The following ASAP2 variants were observed in gnomAD, a reference collection of about 807,000 sequenced individuals.
The protein encoded by ASAP2 is ArfGAP with SH3 domain, ankyrin repeat and PH domain 2, also known as arf-GAP with SH3 domain, ANK repeat and PH domain-containing protein 2.
Under a neutral mutation model 131.4 loss-of-function variants are expected in ASAP2, and 45 were observed. The observed-to-expected ratio is 0.34, with a 90% CI of 0.27 to 0.44. The LOEUF (loss-of-function observed/expected upper bound fraction) is 0.44, where lower values mean the gene tolerates loss of function less well. Among genes scored for constraint, ASAP2 ranks in the 20% least tolerant of loss-of-function variants. The pLI is 1.00. For missense variants in ASAP2, 1,011 were observed against 1,297.0 expected (o/e 0.78, Z 3.39); for synonymous variants, 510 against 503.0 (o/e 1.01, Z -0.19).
intron 3 of ASAP2, among the ~76,000 whole-genome samples, chr2:9,298,983 A>G (rs916669035): frequency 1.3e-5 from 2 of 152,208 alleles, no homozygotes; most frequent in African/African-American, 2.4e-5. Flanking sequence ...TAAAAATCCA[A>G]CAGGAAGGGC....
intron 20 of ASAP2, among the ~76,000 whole-genome samples, chr2:9,383,207 A>G (rs1675002143): frequency 6.6e-6 from 1 of 152,070 alleles, no homozygotes; most frequent in Non-Finnish European, 1.5e-5. Flanking sequence ...GTCTTAGGAT[A>G]TGTTATCTAT....
intron 1 of ASAP2, among the ~76,000 whole-genome samples, chr2:9,270,069 T>TC (rs1285419649): frequency 6.6e-6 from 1 of 152,168 alleles, no homozygotes; most frequent in Non-Finnish European, 1.5e-5. Flanking sequence ...TTGGGACACA[T>TC]CCCCCTCTCT....
chr2:9,323,089 G>A (rs1204612291), intron 5 of ASAP2, 32 bp from the exon 6 acceptor site: 3 of 1,613,478 alleles, frequency 1.9e-6, no homozygotes, highest in African/African-American at 1.3e-5. Flanking sequence ...GTGCCAACAG[G>A]CATCTTGATG....
rs1673261299 is a variant in ASAP2 at position 9,363,775 on chromosome 2, T to C, written c.1462-4650T>C. ...TTTCCATAGAGACAGGGTCTCACTA[T>C]ATTGGCCAGGCTAATCTGGAATTCC... On this transcript the variant is annotated intron_variant, in intron 15 of 27. Transcript: ENST00000281419. Among the ~76,000 whole-genome samples the C allele has an allele frequency of 3.3e-5, 5 of 152,206 alleles. No homozygotes were observed. The South Asian group carries it at 1.0e-3, about 32-fold the overall frequency.
chr2:9,257,773 C>T (rs1202647301), intron 1 of ASAP2, among the ~76,000 whole-genome samples: 2 of 152,308 alleles, frequency 1.3e-5, no homozygotes, highest in African/African-American at 4.8e-5. Flanking sequence ...ATCCGCCCGC[C>T]TCGGCCTCCC....
In ASAP2 at chr2:9,401,321, T is replaced by G. The variant is rs1457995465; in HGVS notation, c.2871T>G (p.Ala957=). 1 of 1,613,610 alleles carries G rather than the reference T, an allele frequency of 6.2e-7. No homozygotes were observed. The highest frequency in any genetic ancestry group is 1.7e-5 in the Admixed American group (1 of 60,010). The change falls in exon 27 of 28, where the codon GCT becomes GCG. Residue 957 remains alanine, a synonymous_variant. Coordinates refer to ENST00000281419, the MANE Select transcript of ASAP2 (RefSeq NM_003887.3). ...KRVKALYNCV[A]DNPDELTFSE... is the part of the protein sequence containing the mutation. ...TGAAAGCGCTCTATAACTGTGTGGC[T>G]GACAACCCCGATGAGCTCACCTTCT...
chr2:9,216,939 G>A (rs1662094901), intron 1 of ASAP2, among the ~76,000 whole-genome samples: 1 of 152,004 alleles, frequency 6.6e-6, no homozygotes, highest in East Asian at 1.9e-4. Flanking sequence ...CACTTATTAT[G>A]TGCCAGATAT....
chr2:9,363,561 A>C (rs1318904229), intron 15 of ASAP2, among the ~76,000 whole-genome samples: 2 of 152,104 alleles, frequency 1.3e-5, no homozygotes, highest in Non-Finnish European at 2.9e-5. Flanking sequence ...TTTCATACAT[A>C]TACCTGTTGG....
At position 9,318,531 on chromosome 2, in the gene ASAP2, A is replaced by G. The variant is rs1669952105; in HGVS notation, c.353A>G (p.Asn118Ser). The G allele has an allele frequency of 6.2e-7, 1 of 1,612,816 alleles. No individual in the cohort carries two copies. The highest frequency in any genetic ancestry group is 1.3e-5 in the African/African-American group (1 of 75,020). ...LTALFKNLIQ[N>S]MNNIISFPLD... ...TTTGTTTTTGTTTTTTAGATTCAGA[A>G]TATGAACAACATAATCTCCTTCCCT... Residue 118 changes from asparagine to serine, a missense_variant, in exon 4 of 28, where the codon AAT (asparagine) becomes AGT (serine). By Grantham distance (46) the Asn-to-Ser change is conservative (BLOSUM62 1). Coordinates refer to ENST00000281419, the MANE Select transcript of ASAP2 (RefSeq NM_003887.3).
intron 11 of ASAP2, among the ~76,000 whole-genome samples, chr2:9,345,562 C>G (rs749335173): frequency 1.6e-4 from 24 of 152,286 alleles, no homozygotes; most frequent in Non-Finnish European, 2.8e-4. Flanking sequence ...GGCTGGTAGA[C>G]AGCTTTGGTA....
intron 18 of ASAP2, among the ~76,000 whole-genome samples, chr2:9,377,997 C>T (rs10165366): frequency 0.039 from 6,003 of 152,208 alleles, 344 homozygotes; most frequent in African/African-American, 0.12. Context: ...TGCACATTTT[C>T]AGGGGGCAGG....
intron 3 of ASAP2, among the ~76,000 whole-genome samples, chr2:9,302,871 G>A (rs1180228634): frequency 6.6e-6 from 1 of 152,186 alleles, no homozygotes; most frequent in African/African-American, 2.4e-5. Flanking sequence ...GTTGGGACAA[G>A]CAGTAGTTTG....
chr2:9,208,213 T>G (rs538024600), intron 1 of ASAP2, among the ~76,000 whole-genome samples: 13 of 152,066 alleles, frequency 8.5e-5, no homozygotes, highest in Non-Finnish European at 1.6e-4. Flanking sequence ...CAGAATAGGT[T>G]TACAAGTCAC....
chr2:9,251,311 C>T (rs1664689909), intron 1 of ASAP2, among the ~76,000 whole-genome samples: 2 of 152,060 alleles, frequency 1.3e-5, no homozygotes, highest in South Asian at 4.1e-4. Flanking sequence ...TTGACTTCGT[C>T]CCACTCCTTC....
At chr2:9,290,522 TAGGCAC>T (rs1667748601) in intron 2 of ASAP2, among the ~76,000 whole-genome samples, 1 of 152,242 alleles carries the variant, frequency 6.6e-6, no homozygotes, top group Non-Finnish European at 1.5e-5. Context: ...ATGTTCTTAA[TAGGCAC>T]AGGCACAGAG....
Position 9,368,585 on chromosome 2 carries a change from G to A in ASAP2, c.1556+66G>A, listed in dbSNP as rs796732909. On this transcript the variant is annotated intron_variant, in intron 16 of 27. Coordinates refer to ENST00000281419, the MANE Select transcript of ASAP2 (RefSeq NM_003887.3). Reference sequence around the variant, plus strand: ...TTTGCCTTTGCCCGAGCCCCGGGAGGCAGGGGAATAAGAAGTTTTGGGTGC... The same window carrying A: ...TTTGCCTTTGCCCGAGCCCCGGGAGACAGGGGAATAAGAAGTTTTGGGTGC... 4 of 1,416,474 alleles carry A rather than the reference G, an allele frequency of 2.8e-6. No homozygotes were observed. The South Asian group carries it at 4.6e-5, about 16-fold the overall frequency. 87.7% of individuals were successfully genotyped at this position (1,416,474 alleles called of 1,614,324 possible).
At chr2:9,215,347 C>T (rs1268820281) in intron 1 of ASAP2, among the ~76,000 whole-genome samples, 1 of 151,984 alleles carries the variant, frequency 6.6e-6, no homozygotes, top group East Asian at 1.9e-4. Flanking sequence ...AAATTTTTAC[C>T]ATGCTCATAA....
At chr2:9,272,572 A>T (rs1049275232) in intron 1 of ASAP2, among the ~76,000 whole-genome samples, 14 of 152,106 alleles carry the variant, frequency 9.2e-5, no homozygotes, top group African/African-American at 3.4e-4. Flanking sequence ...ATATGATCCC[A>T]TTTATCTGTT....
intron 11 of ASAP2, among the ~76,000 whole-genome samples, chr2:9,347,610 T>C (rs938606275): frequency 6.6e-6 from 1 of 152,204 alleles, no homozygotes; most frequent in Non-Finnish European, 1.5e-5. Flanking sequence ...TGTATTCTGA[T>C]TGGAGCAGAG....
Sources: allele counts gnomAD v4.1 joint callset (sites outside exome capture counted in the v4.1 genomes callset), GRCh38; gene constraint gnomAD v4.1.1; transcripts MANE v1.5; gene names NCBI Gene and HGNC (gene_info 2026-07-23, HGNC 2026-07-21).